Variants in PTPRD observed in about 807,000 individuals in gnomAD.
PTPRD encodes protein tyrosine phosphatase receptor type D, also known as receptor-type tyrosine-protein phosphatase delta.
A neutral mutation model predicts 214.5 loss-of-function variants in PTPRD; 34 were observed. The ratio of observed to expected loss-of-function variants is 0.16; its 90% CI spans 0.12 to 0.21. The LOEUF is 0.21. PTPRD is among the 10% of genes least tolerant of loss of function. PTPRD has a pLI of 1.00. For synonymous variants in PTPRD, 1,128 were observed against 845.7 expected, an observed-to-expected ratio of 1.33 and a Z score of -5.79; for missense variants, 2,545 against 2,398.7, an observed-to-expected ratio of 1.06 and a Z score of -1.27.
chr9:9,839,490 T>C (rs560836638), intron 5 of PTPRD, among the ~76,000 whole-genome samples: 1 of 152,064 alleles, frequency 6.6e-6, no homozygotes, highest in South Asian at 2.1e-4. Context: ...GAATCCAACT[T>C]ACAAGGGACA....
intron 12 of PTPRD, among the ~76,000 whole-genome samples, chr9:8,669,132 G>A (rs997501649): frequency 6.6e-6 from 1 of 152,130 alleles, no homozygotes; most frequent in Non-Finnish European, 1.5e-5. Flanking sequence ...GCACTCAGAA[G>A]ATTAGGGATG....
intron 4 of PTPRD, among the ~76,000 whole-genome samples, chr9:9,964,199 AATC>A (rs933519671): frequency 1.4e-5 from 2 of 148,026 alleles, no homozygotes; most frequent in African/African-American, 4.9e-5. Flanking sequence ...GGGAAAAAAG[AATC>A]ATCAAGTCAA....
At chr9:8,915,095 T>A (rs1175252646) in intron 11 of PTPRD, among the ~76,000 whole-genome samples, 1 of 152,164 alleles carries the variant, frequency 6.6e-6, no homozygotes, top group East Asian at 1.9e-4. Flanking sequence ...TGAAAGCAGT[T>A]TGAAGACATA....
chr9:10,359,952 G>T (rs2097346433), intron 2 of PTPRD, among the ~76,000 whole-genome samples: 1 of 152,160 alleles, frequency 6.6e-6, no homozygotes, highest in Non-Finnish European at 1.5e-5. Flanking sequence ...TGTTTTGAAA[G>T]CTGCATTTGA....
chr9:9,643,114 G>C (rs570429139), intron 7 of PTPRD, among the ~76,000 whole-genome samples: 39 of 152,292 alleles, frequency 2.6e-4, no homozygotes, highest in African/African-American at 9.4e-4. Context: ...TATGAATGCA[G>C]CTAAGAAATT....
At chr9:9,630,577 G>C (rs1172310707) in intron 7 of PTPRD, among the ~76,000 whole-genome samples, 1 of 152,182 alleles carries the variant, frequency 6.6e-6, no homozygotes, top group African/African-American at 2.4e-5. Context: ...CAAAATTGGT[G>C]ACAATTTATG....
chr9:10,031,842 GAAGAC>G (rs2097085767), intron 4 of PTPRD, among the ~76,000 whole-genome samples: 1 of 151,464 alleles, frequency 6.6e-6, no homozygotes, highest in Non-Finnish European at 1.5e-5. Context: ...CATATTTTTT[GAAGAC>G]AAGAGATGGT....
intron 9 of PTPRD, among the ~76,000 whole-genome samples, chr9:9,298,620 A>C (rs1232677838): frequency 6.6e-6 from 1 of 151,842 alleles, no homozygotes; most frequent in South Asian, 2.1e-4. Flanking sequence ...TAACCAAATC[A>C]GTAGAGGAGC....
chr9:9,293,052 T>C (rs951943408), intron 9 of PTPRD, among the ~76,000 whole-genome samples: 3 of 151,538 alleles, frequency 2.0e-5, no homozygotes, highest in African/African-American at 7.3e-5. Flanking sequence ...GTTTCTCCTC[T>C]CTATCCTCAC....
intron 2 of PTPRD, among the ~76,000 whole-genome samples, chr9:10,377,675 C>T (rs113614757): frequency 0.016 from 2,365 of 151,796 alleles, 63 homozygotes; most frequent in African/African-American, 0.054. Flanking sequence ...CCAAGAATGG[C>T]GATCATTAAA....
intron 7 of PTPRD, among the ~76,000 whole-genome samples, chr9:9,672,474 T>A (rs982466233): frequency 2.0e-5 from 3 of 152,120 alleles, no homozygotes; most frequent in Non-Finnish European, 4.4e-5. Flanking sequence ...GATTACTTAT[T>A]TTACCTATGA....
intron 7 of PTPRD, among the ~76,000 whole-genome samples, chr9:9,643,416 A>C (rs1287423749): frequency 6.6e-6 from 1 of 152,132 alleles, no homozygotes; most frequent in African/African-American, 2.4e-5. Context: ...TAACTCCAGG[A>C]CTGTTAGAAA....
At chr9:10,366,360 C>T (rs1197426206) in intron 2 of PTPRD, among the ~76,000 whole-genome samples, 1 of 152,158 alleles carries the variant, frequency 6.6e-6, no homozygotes, top group African/African-American at 2.4e-5. Flanking sequence ...TTGCAGTTAT[C>T]ATTTTGACCT....
intron 7 of PTPRD, among the ~76,000 whole-genome samples, chr9:9,624,921 T>C (rs946488868): frequency 6.6e-6 from 1 of 151,992 alleles, no homozygotes; most frequent in Non-Finnish European, 1.5e-5. Context: ...ACTTATTAAG[T>C]GTGCTTTTCT....
intron 9 of PTPRD, among the ~76,000 whole-genome samples, chr9:9,268,479 T>G (rs1941220442): frequency 6.6e-6 from 1 of 151,130 alleles, no homozygotes; most frequent in African/African-American, 2.4e-5. Flanking sequence ...AAATCAAGGT[T>G]CCAATGGCAT....
intron 7 of PTPRD, among the ~76,000 whole-genome samples, chr9:9,605,921 C>T (rs2094123680): frequency 1.3e-5 from 2 of 152,158 alleles, no homozygotes; most frequent in South Asian, 2.1e-4. Flanking sequence ...CAAAACTAAG[C>T]TGCTGCTTGA....
chr9:8,899,943 G>C (rs2098653534), intron 11 of PTPRD, among the ~76,000 whole-genome samples: 1 of 152,088 alleles, frequency 6.6e-6, no homozygotes, highest in Non-Finnish European at 1.5e-5. Context: ...GAATCTTTGT[G>C]GAAAAACAAA....
chr9:10,200,490 T>C (rs1023899687), intron 3 of PTPRD, among the ~76,000 whole-genome samples: 20 of 152,024 alleles, frequency 1.3e-4, no homozygotes, highest in African/African-American at 4.1e-4. Flanking sequence ...GGCCAAAATA[T>C]TAATAGTGCA....
chr9:9,616,342 C>A (rs1172392321), intron 7 of PTPRD, among the ~76,000 whole-genome samples: 1 of 152,144 alleles, frequency 6.6e-6, no homozygotes, highest in Admixed American at 6.5e-5. Context: ...GGCAAGCCTA[C>A]AAGAGAAGTT....
Sources: allele counts gnomAD v4.1 joint callset (sites outside exome capture counted in the v4.1 genomes callset), GRCh38; gene constraint gnomAD v4.1.1; transcripts MANE v1.5; gene names NCBI Gene and HGNC (gene_info 2026-07-23, HGNC 2026-07-21).